SSBP2: variants seen among roughly 807,000 people sequenced by gnomAD.
SSBP2 encodes the protein single-stranded DNA-binding protein 2.
A neutral mutation model predicts 61.8 loss-of-function variants in SSBP2; 17 were observed. The ratio of observed to expected loss-of-function variants is 0.28; its 90% CI spans 0.19 to 0.41. The LOEUF (loss-of-function observed/expected upper bound fraction) is 0.41, where lower values mean the gene tolerates loss of function less well. SSBP2 is among the 10% of genes least tolerant of loss of function. The pLI, the probability that SSBP2 is intolerant of heterozygous loss-of-function variation, is 1.00. For missense variants in SSBP2, 310 were observed against 458.7 expected (o/e 0.68, Z 2.96); for synonymous variants, 139 against 141.3 (o/e 0.98, Z 0.12).
At chr5:81,697,295 C>T (rs932269186) in intron 1 of SSBP2, among the ~76,000 whole-genome samples, 2 of 152,038 alleles carry the variant, frequency 1.3e-5, no homozygotes, top group Non-Finnish European at 2.9e-5. Flanking sequence ...TTTTTCTGTA[C>T]AAAACTGAGG....
intron 16 of SSBP2, among the ~76,000 whole-genome samples, chr5:81,424,301 G>A (rs1361128040): frequency 6.6e-6 from 1 of 151,928 alleles, no homozygotes; most frequent in Non-Finnish European, 1.5e-5. Context: ...GCACACGCCT[G>A]TAATCCCAGC....
chr5:81,723,944 G>A (rs1013390625), intron 1 of SSBP2, among the ~76,000 whole-genome samples: 2 of 151,990 alleles, frequency 1.3e-5, no homozygotes, highest in South Asian at 4.1e-4. Flanking sequence ...TCTTTGCTGA[G>A]GTGCCACTTG....
chr5:81,668,442 A>T (rs1159305617), intron 1 of SSBP2, among the ~76,000 whole-genome samples: 6 of 152,068 alleles, frequency 3.9e-5, no homozygotes, highest in Admixed American at 3.9e-4. Context: ...TATCCAGCCT[A>T]CTTATCTCAA....
chr5:81,515,316 C>T (rs982531307), intron 4 of SSBP2, among the ~76,000 whole-genome samples: 2 of 151,882 alleles, frequency 1.3e-5, no homozygotes, highest in Admixed American at 1.3e-4. Flanking sequence ...AAAAGCTAGA[C>T]ATAGCCTATC....
At chr5:81,609,176 T>A (rs949724631) in intron 4 of SSBP2, among the ~76,000 whole-genome samples, 7 of 152,212 alleles carry the variant, frequency 4.6e-5, no homozygotes, top group Admixed American at 2.6e-4. Flanking sequence ...TTCAGTGGGA[T>A]AATTTCACAA....
intron 1 of SSBP2, among the ~76,000 whole-genome samples, chr5:81,653,245 G>A (rs1293947730): frequency 6.6e-6 from 1 of 152,024 alleles, no homozygotes; most frequent in Non-Finnish European, 1.5e-5. Context: ...ATGGCTTCCA[G>A]CTTCAACCAT....
At chr5:81,463,820 G>A (rs1411513289) in intron 9 of SSBP2, among the ~76,000 whole-genome samples, 2 of 141,852 alleles carry the variant, frequency 1.4e-5, no homozygotes, top group East Asian at 4.2e-4. Context: ...CTAGGTTGGA[G>A]TGCAGTGACA....
chr5:81,690,148 T>A (rs1753098464), intron 1 of SSBP2, among the ~76,000 whole-genome samples: 1 of 150,678 alleles, frequency 6.6e-6, no homozygotes, highest in Non-Finnish European at 1.5e-5. Context: ...CCAGAGAAAA[T>A]CACCTTCACT....
At chr5:81,673,610 A>T (rs1751749348) in intron 1 of SSBP2, among the ~76,000 whole-genome samples, 1 of 152,188 alleles carries the variant, frequency 6.6e-6, no homozygotes, top group Non-Finnish European at 1.5e-5. Flanking sequence ...ACTAGAAAAA[A>T]AGAGGTAATA....
At chr5:81,485,903 C>A (rs755446025) in intron 6 of SSBP2, among the ~76,000 whole-genome samples, 1 of 152,072 alleles carries the variant, frequency 6.6e-6, no homozygotes, top group Non-Finnish European at 1.5e-5. Flanking sequence ...ATTGAGAAAC[C>A]GTGTTTATGC....
chr5:81,595,743 C>T (rs964485659), intron 4 of SSBP2, among the ~76,000 whole-genome samples: 3 of 152,188 alleles, frequency 2.0e-5, no homozygotes, highest in African/African-American at 7.2e-5. Context: ...ACAAAAACCA[C>T]ATGATTATCT....
At chr5:81,658,291 A>C (rs1025121710) in intron 1 of SSBP2, among the ~76,000 whole-genome samples, 1 of 152,086 alleles carries the variant, frequency 6.6e-6, no homozygotes, top group Non-Finnish European at 1.5e-5. Context: ...ATTCCATACA[A>C]CTGAGCCTCC....
rs1745925648 is a variant in SSBP2, at chr5:81,615,514, T to G, written c.241A>C (p.Thr81Pro). 6.2e-7 allele frequency: 1 copy of G among 1,613,700 alleles called. No homozygotes were observed. The highest frequency in any genetic ancestry group is 1.7e-5 in the Admixed American group (1 of 59,996). The change falls in exon 4 of 17, where the codon ACA becomes CCA. Residue 81 changes from threonine to proline, a missense_variant. Thr to Pro is a conservative substitution (Grantham distance 38). This residue lies in a region of SSBP2 where 209 missense variants were observed against 286.4 expected (regional missense o/e 0.73). Coordinates refer to ENST00000320672, the MANE Select transcript of SSBP2 (RefSeq NM_012446.5). Reference sequence around the variant, plus strand: ...TTTGCTTCACTTGAGTGTTCACATGTTTCACGTCTCTCTGGAGCTGCACAG... The same window carrying G: ...TTTGCTTCACTTGAGTGTTCACATGGTTCACGTCTCTCTGGAGCTGCACAG...
intron 16 of SSBP2, 68 bp from the exon 17 acceptor site, chr5:81,420,601 A>G (rs960820715): frequency 4.7e-6 from 6 of 1,280,446 alleles, no homozygotes; most frequent in Non-Finnish European, 5.7e-6. Flanking sequence ...TCTTCTTGGT[A>G]CAACAGAAAC....
chr5:81,508,726 A>C (rs142222016), intron 5 of SSBP2, among the ~76,000 whole-genome samples: 1 of 152,150 alleles, frequency 6.6e-6, no homozygotes. Flanking sequence ...TATACTTATC[A>C]TGGAAGAGGG....
At chr5:81,741,524 G>C (rs1757025360) in intron 1 of SSBP2, among the ~76,000 whole-genome samples, 1 of 152,082 alleles carries the variant, frequency 6.6e-6, no homozygotes, top group South Asian at 2.1e-4. Flanking sequence ...AAAAGAAAAA[G>C]AATATTCTCT....
intron 1 of SSBP2, among the ~76,000 whole-genome samples, chr5:81,693,100 G>C (rs1371501392): frequency 6.6e-6 from 1 of 151,544 alleles, no homozygotes; most frequent in African/African-American, 2.4e-5. Context: ...AGCTACTCAG[G>C]AGGCCGAGGC....
intron 15 of SSBP2, among the ~76,000 whole-genome samples, 187 bp downstream of exon 15, chr5:81,437,243 G>T (rs1396423022): frequency 6.6e-6 from 1 of 151,944 alleles, no homozygotes; most frequent in Non-Finnish European, 1.5e-5. Flanking sequence ...ATTCTTAAAA[G>T]ACTTATTTTA....
chr5:81,728,771 G>A (rs926194834), intron 1 of SSBP2, among the ~76,000 whole-genome samples: 4 of 152,110 alleles, frequency 2.6e-5, no homozygotes, highest in Non-Finnish European at 4.4e-5. Flanking sequence ...ATTAACTTGC[G>A]CAAATGTCCA....
Sources: allele counts gnomAD v4.1 joint callset (sites outside exome capture counted in the v4.1 genomes callset), GRCh38; gene constraint gnomAD v4.1.1; regional missense constraint gnomAD v4.1.1; transcripts MANE v1.5; gene names NCBI Gene and HGNC (gene_info 2026-07-23, HGNC 2026-07-21).